CPLANE1: variants seen among roughly 807,000 people sequenced by gnomAD.
CPLANE1 encodes the protein ciliogenesis and planar polarity effector complex subunit 1.
CPLANE1 carries 263 observed loss-of-function variants against 362.5 expected under a neutral mutation model. The ratio of observed to expected loss-of-function variants is 0.73; its 90% confidence interval spans 0.66 to 0.80. The LOEUF (loss-of-function observed/expected upper bound fraction) is 0.80, where lower values mean the gene tolerates loss of function less well. Among genes scored for constraint, CPLANE1 ranks in the 30% least tolerant of loss-of-function variants. CPLANE1 has a pLI of 0.00. For missense variants in CPLANE1, 3,461 were observed against 3,793.4 expected, an observed-to-expected ratio of 0.91 and a Z score of 2.30; for synonymous variants, 1,212 against 1,302.6, an observed-to-expected ratio of 0.93 and a Z score of 1.50.
chr5:37,080,729 C>T, the CPLANE1 span, among the ~76,000 whole-genome samples: 1 of 152,120 alleles, frequency 6.6e-6, no homozygotes, highest in Non-Finnish European at 1.5e-5. Context: ...AGTGGAGCAC[C>T]AACACCTGAT....
At chr5:37,208,818 T>G (rs1186460483) in intron 16 of CPLANE1, among the ~76,000 whole-genome samples, 1 of 152,086 alleles carries the variant, frequency 6.6e-6, no homozygotes, top group Non-Finnish European at 1.5e-5. Context: ...TATAACCATT[T>G]GATATATCTT....
intron 43 of CPLANE1, among the ~76,000 whole-genome samples, chr5:37,145,595 T>C (rs946085367): frequency 2.6e-5 from 4 of 152,024 alleles, no homozygotes; most frequent in African/African-American, 9.7e-5. Context: ...CATGTCCAAA[T>C]TCACCTTAAA....
intron 15 of CPLANE1, among the ~76,000 whole-genome samples, chr5:37,217,480 G>A (rs536901113): frequency 4.6e-5 from 7 of 151,702 alleles, no homozygotes; most frequent in Non-Finnish European, 1.0e-4. Flanking sequence ...GGTGGTGCAC[G>A]CTTGTAATCC....
rs1579872982 is a variant in CPLANE1, at chr5:37,120,324, G to A, written c.9202C>T (p.His3068Tyr). The change falls in exon 50 of 53, where the codon CAC (histidine) becomes TAC (tyrosine). Residue 3068 changes from histidine (H) to tyrosine (Y), a missense_variant. Physicochemically the swap from His to Tyr is moderately conservative, Grantham distance 83. Coordinates refer to ENST00000651892, the MANE Select transcript of CPLANE1 (RefSeq NM_001384732.1). ...PSPRGENQHG[H>Y]SFLINRPGKV... ...CCAGGTCGATTTATTAGAAAACTGTGACCATGTTGATTCTCTCTATAGTAG... is the reference window on the plus strand; with the variant it reads ...CCAGGTCGATTTATTAGAAAACTGTAACCATGTTGATTCTCTCTATAGTAG... 1 of 1,583,696 alleles carries A rather than the reference G, an allele frequency of 6.3e-7. No individual in the cohort carries two copies. The highest frequency in any genetic ancestry group is 1.4e-5 in the African/African-American group (1 of 72,878).
chr5:37,115,141 T>C (rs1184564889), intron 50 of CPLANE1, 92 bp from the exon 51 acceptor site: 1 of 857,444 alleles, frequency 1.2e-6, no homozygotes, highest in Non-Finnish European at 1.9e-6. Flanking sequence ...ACCTTGGTGA[T>C]CAGCTTTGAA....
chr5:37,110,107 G>C (rs1406343004), intron 51 of CPLANE1, among the ~76,000 whole-genome samples: 1 of 151,606 alleles, frequency 6.6e-6, no homozygotes, highest in East Asian at 1.9e-4. Context: ...GCCGTCTTCT[G>C]TTCTTTCTTT....
chr5:37,156,219 G>C (rs930707841), intron 41 of CPLANE1, among the ~76,000 whole-genome samples: 3 of 152,174 alleles, frequency 2.0e-5, no homozygotes, highest in Non-Finnish European at 2.9e-5. Context: ...GTGGAACCTA[G>C]GGGAGACTTA....
At chr5:37,226,235 A>T in intron 12 of CPLANE1, 69 bp downstream of exon 12, 2 of 958,598 alleles carry the variant, frequency 2.1e-6, no homozygotes, top group Non-Finnish European at 3.0e-6. Context: ...TGGGAATTGT[A>T]GCTCAGTTTC....
chr5:37,118,542 C>A (rs1561304060), intron 50 of CPLANE1, among the ~76,000 whole-genome samples: 1 of 151,992 alleles, frequency 6.6e-6, no homozygotes, highest in Admixed American at 6.6e-5. Flanking sequence ...TCTAGACCCA[C>A]CCTCGGATTA....
Position 37,195,926 on chromosome 5 carries a change from C to T in CPLANE1, c.3743G>A (p.Gly1248Asp), listed in dbSNP as rs72736758. The stretch of plus-strand genomic sequence containing the variant: ...TGCTCCAGGTCTAAAAAATGCGATA[C>T]CTCCTTTACAGTAATTAAGTAATGA... ...PQSLLNYCKG[G>D]IAFFRPGAAG... is the part of the protein sequence containing the mutation. Residue 1248 changes from glycine to aspartate, a missense_variant, in exon 21 of 53, where the codon GGT (glycine) becomes GAT (aspartate). By Grantham distance (94) the Gly-to-Asp change is moderately conservative. This residue lies in a region of CPLANE1 where 3,380 missense variants were observed against 3,666.1 expected (regional missense o/e 0.92). Transcript: ENST00000651892. 0.036 allele frequency: 58,531 copies of T among 1,612,448 alleles called. 1,295 individuals are homozygous for T. Among genetic ancestry groups the T allele is most frequent in the Middle Eastern group, 0.089 (540 of 6,046 alleles).
rs543302815 is a variant in CPLANE1, at chr5:37,172,938, C to A, written c.6171+817G>T. On this transcript the variant is annotated intron_variant, in intron 32 of 52. Transcript: ENST00000651892. The stretch of plus-strand genomic sequence containing the variant: ...GGCAGAGGTTGCAGTGAGCCGAGAT[C>A]GCGCCACTGCACTCCAGCCTGGGCA... Among the ~76,000 whole-genome samples the A allele has an allele frequency of 2.6e-5, 4 of 152,174 alleles. No homozygotes were observed. The East Asian group carries it at 7.7e-4, about 29-fold the overall frequency.
chr5:37,204,378 G>GT (rs1286246950), intron 18 of CPLANE1, among the ~76,000 whole-genome samples: 1 of 152,096 alleles, frequency 6.6e-6, no homozygotes, highest in Admixed American at 6.6e-5. Context: ...TTAAATGACT[G>GT]ATTTCATTAC....
chr5:37,184,330 G>A (rs1783423366), intron 25 of CPLANE1, among the ~76,000 whole-genome samples: 1 of 152,026 alleles, frequency 6.6e-6, no homozygotes, highest in African/African-American at 2.4e-5. Context: ...AAGAGAACAG[G>A]TGTTGGCCAC....
At chr5:37,231,416 A>G (rs1433608737) in intron 8 of CPLANE1, among the ~76,000 whole-genome samples, 2 of 152,270 alleles carry the variant, frequency 1.3e-5, no homozygotes, top group Middle Eastern at 3.4e-3. Context: ...CAAAAATACA[A>G]ATAAGCCAGG....
the CPLANE1 span, among the ~76,000 whole-genome samples, chr5:37,095,344 C>T: frequency 1.3e-5 from 2 of 152,162 alleles, no homozygotes; most frequent in Non-Finnish European, 2.9e-5. Context: ...ACATAATCAT[C>T]TCAACAGATG....
chr5:37,188,397 G>A (rs915534668), intron 21 of CPLANE1, among the ~76,000 whole-genome samples: 1 of 152,128 alleles, frequency 6.6e-6, no homozygotes, highest in Non-Finnish European at 1.5e-5. Context: ...ATGTTCTATG[G>A]TTAATAGGAC....
intron 41 of CPLANE1, 90 bp from the exon 42 acceptor site, chr5:37,154,083 A>G (rs747448497): frequency 9.0e-5 from 98 of 1,086,882 alleles, no homozygotes; most frequent in Middle Eastern, 2.6e-4. Context: ...TTCATTTTAA[A>G]CCAACACAAC....
chr5:37,110,493 C>G (rs923869735), intron 51 of CPLANE1, among the ~76,000 whole-genome samples: 2 of 152,168 alleles, frequency 1.3e-5, no homozygotes, highest in Non-Finnish European at 2.9e-5. Context: ...TTGCTTCATA[C>G]TAAGAGCTGG....
chr5:37,125,694 T>C (rs768443491), intron 46 of CPLANE1, among the ~76,000 whole-genome samples: 5 of 152,220 alleles, frequency 3.3e-5, no homozygotes, highest in Non-Finnish European at 5.9e-5. Context: ...GAAAACTATA[T>C]AGCCTCCTGC....
Sources: allele counts gnomAD v4.1 joint callset (sites outside exome capture counted in the v4.1 genomes callset), GRCh38; gene constraint gnomAD v4.1.1; regional missense constraint gnomAD v4.1.1; transcripts MANE v1.5; gene names NCBI Gene and HGNC (gene_info 2026-07-23, HGNC 2026-07-21).